Variants in MOB3B observed in about 807,000 individuals in gnomAD.
MOB3B encodes the protein MOB kinase activator 3B.
MOB3B carries 7 observed loss-of-function variants against 18.7 expected under a neutral mutation model. The observed-to-expected ratio is 0.37, with a 90% CI of 0.21 to 0.70. The LOEUF (loss-of-function observed/expected upper bound fraction) is 0.70, where lower values mean the gene tolerates loss of function less well. Among genes scored for constraint, MOB3B ranks in the 30% least tolerant of loss-of-function variants. The pLI, the probability that MOB3B is intolerant of heterozygous loss-of-function variation, is 0.52. For synonymous variants in MOB3B, 111 were observed against 99.9 expected, an observed-to-expected ratio of 1.11 and a Z score of -0.66; for missense variants, 253 against 281.3, an observed-to-expected ratio of 0.90 and a Z score of 0.72.
chr9:27,430,857 C>T (rs1822407349), intron 2 of MOB3B, among the ~76,000 whole-genome samples: 1 of 151,584 alleles, frequency 6.6e-6, no homozygotes, highest in South Asian at 2.1e-4. Context: ...CTTCTAAACC[C>T]TCCCGTTCAG....
At chr9:27,331,713 C>T (rs946680578) in intron 3 of MOB3B, among the ~76,000 whole-genome samples, 1 of 152,186 alleles carries the variant, frequency 6.6e-6, no homozygotes, top group Non-Finnish European at 1.5e-5. Flanking sequence ...TTTCATGTCA[C>T]TTTAGTTAGA....
chr9:27,351,783 G>A (rs1267476517), intron 3 of MOB3B, among the ~76,000 whole-genome samples: 2 of 152,194 alleles, frequency 1.3e-5, no homozygotes, highest in African/African-American at 4.8e-5. Context: ...TGAGAGAAGT[G>A]TATGTGTGGC....
intron 2 of MOB3B, among the ~76,000 whole-genome samples, chr9:27,419,295 A>C (rs918655440): frequency 6.6e-6 from 1 of 152,182 alleles, no homozygotes; most frequent in South Asian, 2.1e-4. Context: ...TCACATAATT[A>C]GAAAAAACAA....
intron 3 of MOB3B, among the ~76,000 whole-genome samples, chr9:27,336,028 TG>T (rs1202641329): frequency 6.6e-6 from 1 of 152,094 alleles, no homozygotes; most frequent in Non-Finnish European, 1.5e-5. Flanking sequence ...CCAAGTAAAA[TG>T]AGAGGTGGAA....
At chr9:27,403,348 A>C (rs1587185284) in intron 2 of MOB3B, among the ~76,000 whole-genome samples, 1 of 152,174 alleles carries the variant, frequency 6.6e-6, no homozygotes, top group African/African-American at 2.4e-5. Context: ...GAACATAGTT[A>C]CACTTAGGAG....
intron 2 of MOB3B, among the ~76,000 whole-genome samples, chr9:27,405,664 C>G (rs191913323): frequency 1.6e-3 from 244 of 152,038 alleles, no homozygotes; most frequent in African/African-American, 5.5e-3. Context: ...CAGACAAAGA[C>G]ACAACAAAAA....
At chr9:27,528,783 G>T (rs548531948) in intron 1 of MOB3B, among the ~76,000 whole-genome samples, 2 of 152,190 alleles carry the variant, frequency 1.3e-5, no homozygotes, top group Non-Finnish European at 2.9e-5. Flanking sequence ...AGCGCGAGGG[G>T]GGGGATCCCG....
At chr9:27,524,354 T>A (rs149731845) in intron 1 of MOB3B, 23 of 1,612,408 alleles carry the variant, frequency 1.4e-5, no homozygotes, top group Middle Eastern at 1.6e-4. Flanking sequence ...CCAAACCTGA[T>A]ATGATTCAAA....
At chr9:27,358,789 C>A (rs1323549098) in intron 3 of MOB3B, 1 of 706,068 alleles carries the variant, frequency 1.4e-6, no homozygotes, top group Non-Finnish European at 2.6e-6. Context: ...CCCTCTGATC[C>A]AAACTATTAT....
chr9:27,386,713 C>T (rs1003142473), intron 2 of MOB3B, among the ~76,000 whole-genome samples: 1 of 152,198 alleles, frequency 6.6e-6, no homozygotes. Context: ...ATTTTATGAG[C>T]TACAGGAATT....
At chr9:27,367,860 A>G (rs780899661) in intron 2 of MOB3B, among the ~76,000 whole-genome samples, 8 of 152,224 alleles carry the variant, frequency 5.3e-5, no homozygotes, top group Non-Finnish European at 1.2e-4. Context: ...CAAAGGACAT[A>G]TGATGAAACC....
intron 2 of MOB3B, among the ~76,000 whole-genome samples, chr9:27,395,113 G>A (rs1400042310): frequency 6.6e-6 from 1 of 152,202 alleles, no homozygotes; most frequent in Non-Finnish European, 1.5e-5. Flanking sequence ...GGTCATCTGT[G>A]GAGTCATTAA....
intron 1 of MOB3B, among the ~76,000 whole-genome samples, chr9:27,464,223 TG>T (rs1222591075): frequency 6.6e-6 from 1 of 151,010 alleles, no homozygotes; most frequent in Non-Finnish European, 1.5e-5. Context: ...GTGGTAGGGG[TG>T]GGGGGCACGG....
intron 3 of MOB3B, among the ~76,000 whole-genome samples, chr9:27,343,448 G>C (rs570959668): frequency 8.2e-6 from 1 of 121,530 alleles, no homozygotes; most frequent in South Asian, 2.6e-4. Flanking sequence ...CCCCCTCTCC[G>C]AGAAACACCC....
intron 2 of MOB3B, among the ~76,000 whole-genome samples, chr9:27,443,023 C>T (rs983396663): frequency 6.6e-6 from 1 of 152,216 alleles, no homozygotes; most frequent in Non-Finnish European, 1.5e-5. Context: ...GTCTCAAACT[C>T]TAGCTTGAAT....
rs192433347 is a variant in MOB3B at position 27,471,057 on chromosome 9, G to C, written c.-198-15309C>G. 1.6e-3 allele frequency among the ~76,000 whole-genome samples: 240 copies of C among 152,236 alleles called. 1 individual carries two copies. The highest frequency in any genetic ancestry group is 2.5e-3 in the Non-Finnish European group (169 of 68,016). On this transcript the variant is annotated intron_variant, in intron 1 of 3. Coordinates refer to ENST00000262244, the MANE Select transcript of MOB3B (RefSeq NM_024761.5). ...CTAGTAAGTTCCCTCTGGGTTTCCT[G>C]GGGACACTCGGAAATGGCAGAAAGA...
chr9:27,491,369 G>A (rs1200185603), intron 1 of MOB3B, among the ~76,000 whole-genome samples: 1 of 152,124 alleles, frequency 6.6e-6, no homozygotes, highest in Admixed American at 6.5e-5. Context: ...AGGCTTTGAA[G>A]TTGTGCAAGA....
chr9:27,413,829 G>T (rs567329339), intron 2 of MOB3B, among the ~76,000 whole-genome samples: 24 of 152,310 alleles, frequency 1.6e-4, no homozygotes, highest in Middle Eastern at 3.4e-3. Context: ...AGAGACCTCT[G>T]CAAGAGAAGC....
intron 2 of MOB3B, among the ~76,000 whole-genome samples, chr9:27,376,790 A>C (rs370695236): frequency 1.3e-5 from 2 of 152,246 alleles, no homozygotes; most frequent in East Asian, 3.8e-4. Context: ...ACCTAGCAGC[A>C]CTGAATCTAA....
Sources: allele counts gnomAD v4.1 joint callset (sites outside exome capture counted in the v4.1 genomes callset), GRCh38; gene constraint gnomAD v4.1.1; transcripts MANE v1.5; gene names NCBI Gene and HGNC (gene_info 2026-07-23, HGNC 2026-07-21).